ANKRD36C: variants seen among roughly 807,000 people sequenced by gnomAD.
The protein encoded by ANKRD36C is ankyrin repeat domain-containing protein 36C.
Under a neutral mutation model 276.4 loss-of-function variants are expected in ANKRD36C, and 61 were observed. That is an observed-to-expected ratio of 0.22 (90% CI 0.18 to 0.27). ANKRD36C has a LOEUF of 0.27. Ranked by LOEUF, ANKRD36C falls within the 10% of genes least tolerant of loss-of-function variation. The pLI is 1.00. For synonymous variants in ANKRD36C, 483 were observed against 680.1 expected, an observed-to-expected ratio of 0.71 and a Z score of 4.51; for missense variants, 1,447 against 2,032.3, an observed-to-expected ratio of 0.71 and a Z score of 5.54.
At chr2:95,961,214 G>A (rs969145233) in intron 8 of ANKRD36C, among the ~76,000 whole-genome samples, 1 of 152,070 alleles carries the variant, frequency 6.6e-6, no homozygotes, top group African/African-American at 2.4e-5. Context: ...ATATATGTTT[G>A]GTGAATCCTA....
chr2:95,891,876 G>T lies in ANKRD36C; in HGVS notation c.2756-16C>A, dbSNP rs1676373491. The T allele has an allele frequency of 2.6e-6, 4 of 1,557,762 alleles. No homozygotes were observed. The highest frequency in any genetic ancestry group is 3.5e-6 in the Non-Finnish European group (4 of 1,151,144). Reference sequence around the variant, plus strand: ...TCAGAAGACACTGAAAAGTAAAAGGGATTCATAATCACTCATATGTAAAAA... The same window carrying T: ...TCAGAAGACACTGAAAAGTAAAAGGTATTCATAATCACTCATATGTAAAAA... On this transcript the variant is annotated splice_polypyrimidine_tract_variant and intron_variant, in intron 44 of 66. Transcript: ENST00000456556.
chr2:95,988,862 C>A (rs1032105393), intron 1 of ANKRD36C, among the ~76,000 whole-genome samples: 3 of 151,716 alleles, frequency 2.0e-5, no homozygotes, highest in East Asian at 1.9e-4. Flanking sequence ...CAGAATATAC[C>A]AATAAACAAA....
intron 19 of ANKRD36C, among the ~76,000 whole-genome samples, chr2:95,942,636 T>A: frequency 6.6e-6 from 1 of 152,310 alleles, no homozygotes; most frequent in Non-Finnish European, 1.5e-5. Flanking sequence ...ACTTATGCCA[T>A]AAAGATAATA....
chr2:95,887,068 T>C (rs1316141834), intron 50 of ANKRD36C, among the ~76,000 whole-genome samples: 1 of 151,258 alleles, frequency 6.6e-6, no homozygotes, highest in African/African-American at 2.4e-5. Context: ...AGTTGTTGAA[T>C]TCAACATTAT....
chr2:95,884,217 G>A (rs765468250), exon 54 of ANKRD36C: 27 of 1,609,424 alleles, frequency 1.7e-5, no homozygotes, highest in South Asian at 2.2e-5. Context: ...GGCTATATTC[G>A]AAACAGAATC....
At chr2:95,956,839 C>T (rs768786044) in intron 12 of ANKRD36C, 23 bp from the exon 13 acceptor site, 53 of 1,527,082 alleles carry the variant, frequency 3.5e-5, no homozygotes, top group Non-Finnish European at 3.5e-5. Context: ...AAGTAAAATG[C>T]ATTTTAAATC....
downstream of ANKRD36C, among the ~76,000 whole-genome samples, chr2:95,849,804 G>A (rs1405371847): frequency 1.3e-5 from 2 of 152,166 alleles, no homozygotes; most frequent in Non-Finnish European, 2.9e-5. Context: ...TAATGGCTTT[G>A]CTGATCTGAC....
At chr2:95,869,578 G>A (rs557535386) in intron 59 of ANKRD36C, among the ~76,000 whole-genome samples, 2 of 152,366 alleles carry the variant, frequency 1.3e-5, no homozygotes, top group African/African-American at 4.8e-5. Context: ...CTCCCAGCGT[G>A]AGCGACGCAG....
chr2:95,931,849 T>TACAC (rs1553405639), intron 24 of ANKRD36C, among the ~76,000 whole-genome samples: 2 of 111,612 alleles, frequency 1.8e-5, no homozygotes, highest in African/African-American at 2.8e-5. Flanking sequence ...TACACACACA[T>TACAC]ACACACACAC....
At chr2:95,980,594 A>T (rs529434390) in intron 5 of ANKRD36C, 54 bp downstream of exon 5, 1 of 1,571,974 alleles carries the variant, frequency 6.4e-7, no homozygotes, top group African/African-American at 1.3e-5. Flanking sequence ...CAATTGCTAC[A>T]ATTATTTTAA....
chr2:95,946,039 G>A (rs1678037697), intron 17 of ANKRD36C, among the ~76,000 whole-genome samples: 1 of 149,684 alleles, frequency 6.7e-6, no homozygotes, highest in Non-Finnish European at 1.5e-5. Context: ...AAATACTTAT[G>A]TAATAAAAAG....
At position 95,891,978 on chromosome 2, in the gene ANKRD36C, T is replaced by A. The variant is rs1229504334; in HGVS notation, c.2756-118A>T. The A allele has an allele frequency of 3.3e-6, 5 of 1,496,064 alleles. No individual in the cohort carries two copies. In the African/African-American group the frequency reaches 5.6e-5, roughly 17 times the overall value. 92.7% of individuals were successfully genotyped at this position (1,496,064 alleles called of 1,614,324 possible). A position where few individuals can be genotyped will look rare whatever the true frequency, so the allele number is the denominator to read the frequency against. On this transcript the variant is annotated intron_variant, in intron 44 of 66. Coordinates refer to ENST00000456556, the Ensembl canonical transcript of ANKRD36C. ...CTGCCTGTATTAGCGTAGGCTTTGA[T>A]GGCTTCTACTTTGTGTCTGAGGACT... is the stretch of plus-strand genomic sequence containing the variant.
chr2:95,944,621 A>C lies in ANKRD36C; in HGVS notation c.1491+6T>G. On this transcript the variant is annotated splice_donor_region_variant and intron_variant, in intron 19 of 66. Transcript: ENST00000456556. Reference sequence around the variant, plus strand: ...TATGTTGGCTTTTAACCACATCTTCATTTACCTTATCAACATTTTGGTCTT... The same window carrying C: ...TATGTTGGCTTTTAACCACATCTTCCTTTACCTTATCAACATTTTGGTCTT... 6.5e-7 allele frequency: 1 copy of C among 1,537,106 alleles called. No individual in the cohort carries two copies. Among genetic ancestry groups the C allele is most frequent in the Non-Finnish European group, 8.7e-7 (1 of 1,146,738 alleles).
chr2:95,890,716 A>G (rs1437516082), intron 46 of ANKRD36C, among the ~76,000 whole-genome samples: 1 of 151,604 alleles, frequency 6.6e-6, no homozygotes, highest in Non-Finnish European at 1.5e-5. Flanking sequence ...TAATTCTTCA[A>G]AGTAAAACTG....
At chr2:95,858,951 CAGAGAG>C (rs143169258) in intron 61 of ANKRD36C, among the ~76,000 whole-genome samples, 1 of 151,626 alleles carries the variant, frequency 6.6e-6, no homozygotes, top group African/African-American at 2.4e-5. Flanking sequence ...ATCTACATAA[CAGAGAG>C]AGAGAGATGT....
intron 13 of ANKRD36C, among the ~76,000 whole-genome samples, chr2:95,954,895 A>G (rs1402982642): frequency 6.6e-6 from 1 of 151,968 alleles, no homozygotes; most frequent in Non-Finnish European, 1.5e-5. Flanking sequence ...TTCTGCAGGG[A>G]TCTGTGGCAA....
intron 26 of ANKRD36C, among the ~76,000 whole-genome samples, chr2:95,928,464 C>G (rs1217521467): frequency 2.0e-5 from 3 of 151,556 alleles, no homozygotes; most frequent in Non-Finnish European, 4.4e-5. Context: ...TTTCCTGCTT[C>G]CAGTAGTTCT....
At chr2:95,983,439 T>C (rs1678960399) in intron 3 of ANKRD36C, among the ~76,000 whole-genome samples, 1 of 151,730 alleles carries the variant, frequency 6.6e-6, no homozygotes, top group African/African-American at 2.4e-5. Flanking sequence ...TATATTCTAG[T>C]TTCCAATTAA....
Position 95,855,631 on chromosome 2 carries a change from C to T in ANKRD36C, c.4630G>A (p.Val1544Ile), listed in dbSNP as rs1675393013. The change falls in exon 63 of 67, where the codon GTT (valine) becomes ATT (isoleucine). Residue 1544 changes from valine (V) to isoleucine (I), a missense_variant. Transcript: ENST00000456556. ...AGCTCACTTTGCACGTGTTCAAAAA[C>T]CAAAGCCTTTTCTTTCAGAGCCTCT... 1.9e-6 allele frequency: 3 copies of T among 1,611,044 alleles called. No homozygotes were observed. The African/African-American group carries it at 4.0e-5, about 22-fold the overall frequency.
Sources: gnomAD v4.1 joint callset for allele counts (sites outside exome capture counted in the v4.1 genomes callset) on GRCh38, gnomAD v4.1.1 for gene constraint, MANE v1.5 for transcripts, NCBI Gene and HGNC (gene_info 2026-07-23, HGNC 2026-07-21) for gene names.